The following ATL1 variants were observed in gnomAD, a reference collection of about 807,000 sequenced individuals.
ATL1 encodes the protein atlastin-1.
In ATL1, 31 loss-of-function variants were observed where a neutral mutation model predicts 75.5. That is an observed-to-expected ratio of 0.41 (90% CI 0.31 to 0.55). The LOEUF (loss-of-function observed/expected upper bound fraction) is 0.55, where lower values mean the gene tolerates loss of function less well. Ranked by LOEUF, ATL1 falls within the 20% of genes least tolerant of loss-of-function variation. The probability of loss-of-function intolerance (pLI) is 0.27; values close to 1 mark genes in which losing one functional copy is unlikely to be tolerated. For synonymous variants in ATL1, 226 were observed against 233.3 expected, an observed-to-expected ratio of 0.97 and a Z score of 0.28; for missense variants, 405 against 662.6, an observed-to-expected ratio of 0.61 and a Z score of 4.27.
chr14:50,586,394 C>T (rs2039102507), intron 1 of ATL1, among the ~76,000 whole-genome samples: 1 of 152,034 alleles, frequency 6.6e-6, no homozygotes, highest in Non-Finnish European at 1.5e-5. Context: ...CTGCTTTCTT[C>T]GTGTATCCTC....
intron 9 of ATL1, 149 bp downstream of exon 9, chr14:50,620,875 C>A: frequency 1.0e-6 from 1 of 977,954 alleles, no homozygotes; most frequent in East Asian, 2.8e-5. Context: ...TTCTAAAAAG[C>A]TTTTTCAAAA....
rs372300431 is a variant in ATL1 at position 50,597,568 on chromosome 14, G to C, written c.630+1936G>C. On this transcript the variant is annotated intron_variant, in intron 6 of 13. Coordinates refer to ENST00000358385, the MANE Select transcript of ATL1 (RefSeq NM_015915.5). ...ATTGGCATTTTCAATTATTTAAGCA[G>C]GTTTGTGGGTTCACAAGTATTTATT... Among the ~76,000 whole-genome samples, 11 of 152,240 alleles carry C rather than the reference G, an allele frequency of 7.2e-5. No individual in the cohort carries two copies. In the East Asian group the frequency reaches 7.7e-4, roughly 11 times the overall value.
At chr14:50,604,923 G>A (rs564919323) in intron 6 of ATL1, among the ~76,000 whole-genome samples, 16 of 152,180 alleles carry the variant, frequency 1.1e-4, no homozygotes, top group African/African-American at 3.4e-4. Context: ...AGCATGGTCT[G>A]TAGATACTTC....
Position 50,593,836 on chromosome 14 carries a change from C to G in ATL1, c.523-10C>G. 6.4e-7 allele frequency: 1 copy of G among 1,557,600 alleles called. No individual in the cohort carries two copies. Among genetic ancestry groups the G allele is most frequent in the Middle Eastern group, 1.7e-4 (1 of 5,830 alleles). ...TTATCTTATCATTGTAATTTTATTT[C>G]TTTATCAAGGTATATAACTTATCCC... is the stretch of plus-strand genomic sequence containing the variant. On this transcript the variant is annotated splice_polypyrimidine_tract_variant and intron_variant, in intron 4 of 13. Transcript: ENST00000358385.
At chr14:50,559,797 C>T (rs2038812035), upstream of ATL1, 1 of 159,648 alleles carries the variant, frequency 6.3e-6, no homozygotes. Flanking sequence ...GCTACTTTGG[C>T]TATATAAATG....
Position 50,632,405 on chromosome 14 carries a change from T to C in ATL1, c.*66T>C. ...TTAAATATTCAGTTTTATGTCTCCA[T>C]GCAAACATTCAAAGTGCTTCCATCA... On this transcript the variant is annotated 3_prime_UTR_variant, in exon 14 of 14. Transcript: ENST00000358385. The C allele has an allele frequency of 1.8e-6, 2 of 1,116,574 alleles. No individual in the cohort carries two copies. The highest frequency in any genetic ancestry group is 1.3e-5 in the South Asian group (1 of 77,016). 69.2% of individuals were successfully genotyped at this position (1,116,574 alleles called of 1,614,324 possible).
chr14:50,592,840 G>C (rs1198733755), intron 4 of ATL1, among the ~76,000 whole-genome samples: 1 of 149,818 alleles, frequency 6.7e-6, no homozygotes, highest in Non-Finnish European at 1.5e-5. Context: ...GAACCCAGGA[G>C]GCAGAGCACT....
chr14:50,545,193 T>C (rs2038615443), intron 1 of ATL1, among the ~76,000 whole-genome samples: 1 of 152,150 alleles, frequency 6.6e-6, no homozygotes, highest in African/African-American at 2.4e-5. Context: ...AGTTTAGAGA[T>C]GGAAAGTAGC....
At position 50,630,077 on chromosome 14, in the gene ATL1, A is replaced by G. The variant is rs1595627066; in HGVS notation, c.1566+68A>G. The G allele has an allele frequency of 1.9e-5, 23 of 1,220,652 alleles. No individual in the cohort carries two copies. In the East Asian group the frequency reaches 5.2e-4, roughly 28 times the overall value. The allele number at this position is 1,220,652 out of a possible 1,614,324, so 75.6% of individuals were successfully genotyped here. ...CATTATGATATTATTTTATAAACTG[A>G]CTAAGCCATTAAAAGATGTCTTTAT... On this transcript the variant is annotated intron_variant, in intron 13 of 13. Coordinates refer to ENST00000358385, the MANE Select transcript of ATL1 (RefSeq NM_015915.5).
intron 1 of ATL1, among the ~76,000 whole-genome samples, chr14:50,575,281 A>G (rs2038995421): frequency 6.6e-6 from 1 of 152,062 alleles, no homozygotes; most frequent in Non-Finnish European, 1.5e-5. Flanking sequence ...TGTTATATAA[A>G]TGACTGACTC....
rs2039590606 is a variant in ATL1 at position 50,632,306 on chromosome 14, A to G, written c.1644A>G (p.Glu548=). 1 of 1,613,242 alleles carries G rather than the reference A, an allele frequency of 6.2e-7. No homozygotes were observed. Among genetic ancestry groups the G allele is most frequent in the South Asian group, 1.1e-5 (1 of 91,070 alleles). Residue 548 remains glutamate (E), a synonymous_variant, in exon 14 of 14, where the codon GAA becomes GAG. Coordinates refer to ENST00000358385, the MANE Select transcript of ATL1 (RefSeq NM_015915.5). ...AAGCTTTCCCTACACCAAAGTCGGAATCTACTGAACAATCAGAAAAGAAAA... is the reference window on the plus strand; with the variant it reads ...AAGCTTTCCCTACACCAAAGTCGGAGTCTACTGAACAATCAGAAAAGAAAA... The part of the protein sequence containing the change: ...YHQAFPTPKS[E]STEQSEKKKM
intron 1 of ATL1, among the ~76,000 whole-genome samples, chr14:50,534,898 T>G (rs933771843): frequency 6.6e-6 from 1 of 152,228 alleles, no homozygotes; most frequent in African/African-American, 2.4e-5. Flanking sequence ...CTGAGTAAAT[T>G]TAATTTTACA....
chr14:50,611,764 C>T (rs975118173), intron 6 of ATL1, among the ~76,000 whole-genome samples: 6 of 152,096 alleles, frequency 3.9e-5, no homozygotes, highest in Admixed American at 1.3e-4. Context: ...ATTAAAAAGA[C>T]AGAGAATATC....
Position 50,632,367 on chromosome 14 carries a change from G to T in ATL1, c.*28G>T. 1 of 1,415,268 alleles carries T rather than the reference G, an allele frequency of 7.1e-7. No homozygotes were observed. The highest frequency in any genetic ancestry group is 1.2e-5 in the South Asian group (1 of 86,214). The allele number at this position is 1,415,268 out of a possible 1,614,324, so 87.7% of individuals were successfully genotyped here. A position where few individuals can be genotyped will look rare whatever the true frequency, so the allele number is the denominator to read the frequency against. ...CAAATTTTAAGAAATACAGGTGCATGACCAATTGTCAATTAAATATTCAGT... is the reference window on the plus strand; with the variant it reads ...CAAATTTTAAGAAATACAGGTGCATTACCAATTGTCAATTAAATATTCAGT... On this transcript the variant is annotated 3_prime_UTR_variant, in exon 14 of 14. Coordinates refer to ENST00000358385, the MANE Select transcript of ATL1 (RefSeq NM_015915.5).
chr14:50,603,492 C>A (rs1241186727), intron 6 of ATL1, among the ~76,000 whole-genome samples: 1 of 152,064 alleles, frequency 6.6e-6, no homozygotes, highest in Non-Finnish European at 1.5e-5. Context: ...GAAGGGGAAG[C>A]ATATAATAAT....
At chr14:50,582,319 A>G (rs1225411104) in intron 1 of ATL1, among the ~76,000 whole-genome samples, 1 of 151,996 alleles carries the variant, frequency 6.6e-6, no homozygotes, top group African/African-American at 2.4e-5. Flanking sequence ...TCATCTCACA[A>G]AGAAAACACC....
intron 1 of ATL1, among the ~76,000 whole-genome samples, chr14:50,547,336 T>A (rs1272994683): frequency 6.6e-6 from 1 of 151,984 alleles, no homozygotes; most frequent in African/African-American, 2.4e-5. Context: ...GAAAAAAAAA[T>A]GTTATAATAG....
chr14:50,547,411 T>C (rs1318434289), intron 1 of ATL1, among the ~76,000 whole-genome samples: 1 of 152,114 alleles, frequency 6.6e-6, no homozygotes, highest in African/African-American at 2.4e-5. Flanking sequence ...GGGGAAGCAT[T>C]GGTGGACCTC....
Position 50,591,021 on chromosome 14 carries a change from A to G in ATL1, c.363A>G (p.Thr121=). 1 of 1,613,668 alleles carries G rather than the reference A, an allele frequency of 6.2e-7. No individual in the cohort carries two copies. The highest frequency in any genetic ancestry group is 8.5e-7 in the Non-Finnish European group (1 of 1,179,678). ...GAGGTGGATCTGAGCGAGAGACCAC[A>G]GGAATTCAGATATGGAGTGAAATCT... The part of the protein sequence containing the change: ...SWRGGSERET[T]GIQIWSEIFL... The change falls in exon 3 of 14, where the codon ACA becomes ACG. Residue 121 remains threonine (T), a synonymous_variant. Transcript: ENST00000358385.
Sources: gnomAD v4.1 joint callset for allele counts (sites outside exome capture counted in the v4.1 genomes callset) on GRCh38, gnomAD v4.1.1 for gene constraint, MANE v1.5 for transcripts, NCBI Gene and HGNC (gene_info 2026-07-23, HGNC 2026-07-21) for gene names.